The following FCRL3 variants were observed in gnomAD, a reference collection of about 807,000 sequenced individuals.
FCRL3 encodes the protein Fc receptor like 3, also known as Fc receptor-like protein 3.
A neutral mutation model predicts 75.0 loss-of-function variants in FCRL3; 89 were observed. That is an observed-to-expected ratio of 1.19 (90% CI 1.00 to 1.42). The LOEUF is 1.42. Ranked by LOEUF, FCRL3 falls within the 40% of genes most tolerant of loss-of-function variation. The probability of loss-of-function intolerance (pLI) is 0.00; values close to 1 mark genes in which losing one functional copy is unlikely to be tolerated. For missense variants in FCRL3, 946 were observed against 880.0 expected, an observed-to-expected ratio of 1.07 and a Z score of -0.95; for synonymous variants, 376 against 348.5, an observed-to-expected ratio of 1.08 and a Z score of -0.88.
At chr1:157,680,480 T>A (rs1460856855) in intron 13 of FCRL3, among the ~76,000 whole-genome samples, 1 of 152,250 alleles carries the variant, frequency 6.6e-6, no homozygotes, top group Non-Finnish European at 1.5e-5. Flanking sequence ...TGTGAATACA[T>A]TAGTGAAAAA....
At chr1:157,696,387 G>A in intron 6 of FCRL3, 60 bp from the exon 7 acceptor site, 3 of 1,586,972 alleles carry the variant, frequency 1.9e-6, no homozygotes, top group Non-Finnish European at 2.6e-6. Flanking sequence ...AGGTCAAGGG[G>A]AAGGCTGGAG....
At chr1:157,689,249 A>G (rs1030894367) in intron 10 of FCRL3, among the ~76,000 whole-genome samples, 1 of 152,246 alleles carries the variant, frequency 6.6e-6, no homozygotes, top group African/African-American at 2.4e-5. Context: ...ATGATCATCT[A>G]TATAGAACAT....
At chr1:157,684,849 A>G (rs1317772428) in intron 10 of FCRL3, among the ~76,000 whole-genome samples, 6 of 152,306 alleles carry the variant, frequency 3.9e-5, no homozygotes, top group Admixed American at 1.3e-4. Flanking sequence ...TCACTCAGGC[A>G]AGGAGCAGAG....
At chr1:157,679,323 A>G in intron 13 of FCRL3, 1 of 325,288 alleles carries the variant, frequency 3.1e-6, no homozygotes, top group Non-Finnish European at 5.8e-6. Flanking sequence ...CCAGAGGGGC[A>G]CCCACCCCCA....
intron 8 of FCRL3, among the ~76,000 whole-genome samples, chr1:157,695,049 G>A (rs574167858): frequency 2.6e-5 from 4 of 152,222 alleles, no homozygotes; most frequent in East Asian, 1.9e-4. Context: ...GACCCATCAC[G>A]TGTTTGGTAT....
intron 8 of FCRL3, among the ~76,000 whole-genome samples, chr1:157,693,686 TCCTTCCTTCCTTCCTTCCTTCCTC>T (rs1655703096): frequency 6.7e-6 from 1 of 150,146 alleles, no homozygotes. Flanking sequence ...TTTCTTTCTC[TCCTTCCTTCCTTCCTTCCTTCCTC>T]CCTTCCTTCC....
In FCRL3 at chr1:157,678,879, G is replaced by GT. The variant is rs574640324; in HGVS notation, c.2059-24dup. The stretch of plus-strand genomic sequence containing the variant: ...TTCCTGGTAGAAAAAAACACAAAAG[G>GT]TAAGTACCTAAATACAGGAGAGGAA... On this transcript the variant is annotated intron_variant, in intron 14 of 14. Transcript: ENST00000368184. 1,509 of 1,614,002 alleles carry GT rather than the reference G, an allele frequency of 9.3e-4. 11 individuals are homozygous for GT. Among genetic ancestry groups the GT allele is most frequent in the South Asian group, 6.0e-4 (55 of 91,072 alleles).
rs774493994 is a variant in FCRL3, at chr1:157,690,268, T to C, written c.1677A>G (p.Thr559=). Residue 559 remains threonine, a synonymous_variant, in exon 9 of 15, where the codon ACA becomes ACG. Transcript: ENST00000368184. ...CTATTAACACACCTGTAACATTGAGTGTCACCACTTTACTGTGCTGGGCCC... is the reference window on the plus strand; with the variant it reads ...CTATTAACACACCTGTAACATTGAGCGTCACCACTTTACTGTGCTGGGCCC... ...GLGAQHSKVV[T]LNVTGTSRNR... The C allele has an allele frequency of 9.9e-6, 16 of 1,614,212 alleles. No homozygotes were observed. Among genetic ancestry groups the C allele is most frequent in the South Asian group, 4.4e-5 (4 of 91,082 alleles).
chr1:157,687,853 G>T (rs1282147955), intron 10 of FCRL3, among the ~76,000 whole-genome samples: 3 of 151,818 alleles, frequency 2.0e-5, no homozygotes, highest in African/African-American at 7.3e-5. Context: ...CTATCTGGGT[G>T]ACAGGATCTG....
chr1:157,699,750 GA>G (rs1557835979), intron 2 of FCRL3, 38 bp from the exon 3 acceptor site: 3 of 1,609,402 alleles, frequency 1.9e-6, no homozygotes, highest in Admixed American at 1.7e-5. Flanking sequence ...GACACTCTCC[GA>G]AACATTTTCT....
At position 157,698,508 on chromosome 1, in the gene FCRL3, C is replaced by A. The variant is rs781326375; in HGVS notation, c.174G>T (p.Trp58Cys). 3 of 1,614,186 alleles carry A rather than the reference C, an allele frequency of 1.9e-6. No individual in the cohort carries two copies. The highest frequency in any genetic ancestry group is 2.2e-5 in the East Asian group (1 of 44,888). ...SHSLAQGDTYWYHDEKLLKIK... is the reference protein window; with the variant it reads ...SHSLAQGDTYCYHDEKLLKIK... ...TTTTCAACAACTTCTCATCGTGATACCAATATGTGTCTCCCTGGGCTAGGG... is the reference window on the plus strand; with the variant it reads ...TTTTCAACAACTTCTCATCGTGATAACAATATGTGTCTCCCTGGGCTAGGG... The change falls in exon 4 of 15, where the codon TGG becomes TGT. Residue 58 changes from tryptophan (W) to cysteine (C), a missense_variant. Transcript: ENST00000368184.
intron 7 of FCRL3, 58 bp downstream of exon 7, chr1:157,695,982 C>A: frequency 7.2e-7 from 1 of 1,390,308 alleles, no homozygotes; most frequent in South Asian, 1.3e-5. Context: ...TAGTGGCTGA[C>A]AGAGAACCTA....
rs1169481732 is a variant in FCRL3 at position 157,697,039 on chromosome 1, A to G, written c.844+101T>C. The G allele has an allele frequency of 7.1e-6, 8 of 1,126,216 alleles. No individual in the cohort carries two copies. The Admixed American group carries it at 1.8e-4, about 26-fold the overall frequency. 69.8% of individuals were successfully genotyped at this position (1,126,216 alleles called of 1,614,324 possible). ...GAGAAGATTACCAGAATAGCTGGAC[A>G]CTCCTCTCTGTTATGTCCACCATCC... On this transcript the variant is annotated intron_variant, in intron 6 of 14. Coordinates refer to ENST00000368184, the MANE Select transcript of FCRL3 (RefSeq NM_052939.4).
chr1:157,696,317 C>T lies in FCRL3; in HGVS notation c.855G>A (p.Val285=), dbSNP rs1213635935. 1.9e-6 allele frequency: 3 copies of T among 1,613,996 alleles called. No homozygotes were observed. The highest frequency in any genetic ancestry group is 1.7e-4 in the Middle Eastern group (1 of 6,060). ...GCCGGATCTCTAGATTCACATTAGA[C>T]ACAGGGACTCCTGGGGGAACACAAG... ...RSQIRVQRVP[V]SNVNLEIRPT... The change falls in exon 7 of 15, where the codon GTG becomes GTA. Residue 285 remains valine (V), a synonymous_variant. Transcript: ENST00000368184.
rs761701291 is a variant in FCRL3 at position 157,697,290 on chromosome 1, T to C, written c.694A>G (p.Ser232Gly). The C allele has an allele frequency of 1.2e-6, 2 of 1,612,804 alleles. No individual in the cohort carries two copies. Among genetic ancestry groups the C allele is most frequent in the South Asian group, 2.2e-5 (2 of 90,842 alleles). The change falls in exon 6 of 15, where the codon AGC becomes GGC. Residue 232 changes from serine to glycine, a missense_variant. Ser to Gly is a moderately conservative substitution (Grantham distance 56). Transcript: ENST00000368184. ...VQLQFSLFRD[S>G]QTLGLGWSRS... ...CTCCAGCCCAATCCGAGGGTCTGGC[T>C]ATCTCTGAAGAGGGAGAATTGCAGC... is the stretch of plus-strand genomic sequence containing the variant.
intron 2 of FCRL3, among the ~76,000 whole-genome samples, 193 bp from the exon 3 acceptor site, chr1:157,699,905 T>C (rs543326314): frequency 6.6e-5 from 10 of 152,312 alleles, no homozygotes; most frequent in African/African-American, 2.4e-4. Context: ...AGGCCTGACC[T>C]CATCTCTGCT....
At position 157,678,125 on chromosome 1, in the gene FCRL3, A is replaced by T. The variant is rs1654578869; in HGVS notation, c.*585T>A. On this transcript the variant is annotated 3_prime_UTR_variant, in exon 15 of 15. Transcript: ENST00000368184. ...GAGTCTTTAATGAAATGCTGAAGTT[A>T]TTTTTCATCATAACTAGGGTAATTT... The T allele has an allele frequency of 1.0e-6, 1 of 985,868 alleles. No individual in the cohort carries two copies. The highest frequency in any genetic ancestry group is 1.7e-5 in the African/African-American group (1 of 57,236). 61.1% of individuals were successfully genotyped at this position (985,868 alleles called of 1,614,324 possible).
chr1:157,685,390 T>C (rs1019750199), intron 10 of FCRL3, among the ~76,000 whole-genome samples: 1 of 152,072 alleles, frequency 6.6e-6, no homozygotes, highest in African/African-American at 2.4e-5. Context: ...TTAACTATTC[T>C]AAATATATAT....
Position 157,697,280 on chromosome 1 carries a change from A to C in FCRL3, c.704T>G (p.Leu235Arg), listed in dbSNP as rs771747301. The change falls in exon 6 of 15, where the codon CTC becomes CGC. Residue 235 changes from leucine (L) to arginine (R), a missense_variant. Physicochemically the swap from Leu to Arg is moderately radical, Grantham distance 102. Transcript: ENST00000368184. ...GGGGGACCTGCTCCAGCCCAATCCG[A>C]GGGTCTGGCTATCTCTGAAGAGGGA... Reference protein sequence around the residue: ...QFSLFRDSQTLGLGWSRSPRL... With the variant: ...QFSLFRDSQTRGLGWSRSPRL... 53 of 1,612,470 alleles carry C rather than the reference A, an allele frequency of 3.3e-5. No individual in the cohort carries two copies. The highest frequency in any genetic ancestry group is 4.5e-5 in the Non-Finnish European group (53 of 1,179,040).
Sources: allele counts gnomAD v4.1 joint callset (sites outside exome capture counted in the v4.1 genomes callset), GRCh38; gene constraint gnomAD v4.1.1; transcripts MANE v1.5; gene names NCBI Gene and HGNC (gene_info 2026-07-23, HGNC 2026-07-21).